GMDS: variants seen among roughly 807,000 people sequenced by gnomAD.
GMDS encodes GDP-mannose 4,6-dehydratase.
In GMDS, 20 loss-of-function variants were observed where a neutral mutation model predicts 49.9. The observed-to-expected ratio is 0.40, with a 90% CI of 0.28 to 0.58. The LOEUF is 0.58. Among genes scored for constraint, GMDS ranks in the 20% least tolerant of loss-of-function variants. GMDS has a pLI of 0.42. For synonymous variants in GMDS, 177 were observed against 178.6 expected (o/e 0.99, Z 0.07); for missense variants, 362 against 481.4 (o/e 0.75, Z 2.32).
chr6:1,793,673 A>G (rs1221967922), intron 7 of GMDS, among the ~76,000 whole-genome samples: 2 of 152,176 alleles, frequency 1.3e-5, no homozygotes, highest in African/African-American at 4.8e-5. Context: ...AGGAAGTCAA[A>G]AGCCACGTAG....
chr6:1,920,323 A>G (rs1278797482), intron 7 of GMDS, among the ~76,000 whole-genome samples: 3 of 152,232 alleles, frequency 2.0e-5, no homozygotes, highest in Non-Finnish European at 2.9e-5. Flanking sequence ...GAGCTCTGCA[A>G]AGACAAAACA....
rs76640380 is a variant in GMDS at position 2,118,565 on chromosome 6, C to T, written c.148-1009G>A. ...GGAGGTAAATTATAAGAATATAAGA[C>T]TTTCTTTCAAACAGAAAGAAATGTC... On this transcript the variant is annotated intron_variant, in intron 2 of 10. Coordinates refer to ENST00000380815, the MANE Select transcript of GMDS (RefSeq NM_001500.4). Among the ~76,000 whole-genome samples, 905 of 152,218 alleles carry T rather than the reference C, an allele frequency of 5.9e-3. 12 individuals are homozygous for T. Among genetic ancestry groups the T allele is most frequent in the South Asian group, 0.044 (212 of 4,824 alleles).
chr6:2,163,218 C>T (rs114312731), intron 1 of GMDS, among the ~76,000 whole-genome samples: 61 of 151,732 alleles, frequency 4.0e-4, no homozygotes, highest in African/African-American at 1.4e-3. Context: ...TGCCTACAAG[C>T]AAGGGAAGTG....
intron 7 of GMDS, among the ~76,000 whole-genome samples, chr6:1,929,790 C>T (rs1402925797): frequency 3.9e-5 from 6 of 152,096 alleles, no homozygotes; most frequent in African/African-American, 9.7e-5. Flanking sequence ...CTTTTATACC[C>T]CCAAAATAAA....
In GMDS at chr6:2,150,156, A is replaced by G. The variant is rs116079400; in HGVS notation, c.103-25425T>C. Among the ~76,000 whole-genome samples, 865 of 152,270 alleles carry G rather than the reference A, an allele frequency of 5.7e-3. 2 individuals are homozygous for G. The highest frequency in any genetic ancestry group is 0.017 in the Middle Eastern group (5 of 294). ...AGAGAAGATCAAGTACTTGTAAAATAATTTTCATTTAGGAACAGGTATATA... is the reference window on the plus strand; with the variant it reads ...AGAGAAGATCAAGTACTTGTAAAATGATTTTCATTTAGGAACAGGTATATA... On this transcript the variant is annotated intron_variant, in intron 1 of 10. Coordinates refer to ENST00000380815, the MANE Select transcript of GMDS (RefSeq NM_001500.4).
chr6:2,206,183 G>A (rs931399209), intron 1 of GMDS, among the ~76,000 whole-genome samples: 4 of 152,004 alleles, frequency 2.6e-5, no homozygotes, highest in Admixed American at 1.3e-4. Flanking sequence ...GCTTGAACCC[G>A]GGAGGCAGAG....
chr6:1,839,960 C>A (rs374486376), intron 7 of GMDS, among the ~76,000 whole-genome samples: 2 of 152,176 alleles, frequency 1.3e-5, no homozygotes, highest in African/African-American at 4.8e-5. Flanking sequence ...TGTTTGAAAT[C>A]AACTTTATTG....
chr6:2,190,313 T>G (rs1475887177), intron 1 of GMDS, among the ~76,000 whole-genome samples: 1 of 152,164 alleles, frequency 6.6e-6, no homozygotes, highest in Non-Finnish European at 1.5e-5. Context: ...CACTTTTGTT[T>G]AAAAAAATAG....
At chr6:1,728,123 A>AAACAT (rs1286800700) in intron 8 of GMDS, among the ~76,000 whole-genome samples, 1 of 152,190 alleles carries the variant, frequency 6.6e-6, no homozygotes, top group East Asian at 1.9e-4. Context: ...AAGCGTTTTA[A>AAACAT]AACATAACCT....
chr6:1,908,189 C>T (rs113587900), intron 7 of GMDS, among the ~76,000 whole-genome samples: 8 of 152,138 alleles, frequency 5.3e-5, no homozygotes, highest in African/African-American at 1.7e-4. Context: ...GAATGGTTCA[C>T]GTCCGGGCAG....
chr6:2,057,305 T>C (rs1770835053), intron 4 of GMDS, among the ~76,000 whole-genome samples: 2 of 152,212 alleles, frequency 1.3e-5, no homozygotes, highest in Non-Finnish European at 2.9e-5. Flanking sequence ...TGTAGTTCAG[T>C]GTCAGAACAG....
chr6:1,740,465 G>A (rs537349142), intron 8 of GMDS, among the ~76,000 whole-genome samples: 13 of 151,920 alleles, frequency 8.6e-5, no homozygotes, highest in African/African-American at 3.1e-4. Context: ...GCTGAGGCAG[G>A]AGAATCACTG....
chr6:2,193,289 C>A (rs1779129824), intron 1 of GMDS, among the ~76,000 whole-genome samples: 1 of 152,216 alleles, frequency 6.6e-6, no homozygotes, highest in Non-Finnish European at 1.5e-5. Context: ...GTATGTGTTA[C>A]AAAGTATGTG....
chr6:1,676,881 T>C (rs1764641846), intron 9 of GMDS, among the ~76,000 whole-genome samples: 1 of 152,140 alleles, frequency 6.6e-6, no homozygotes, highest in Non-Finnish European at 1.5e-5. Context: ...GGCAAGGACT[T>C]CATGACTAAA....
Position 2,221,403 on chromosome 6 carries a change from C to T in GMDS, c.102+23918G>A, listed in dbSNP as rs149497032. Among the ~76,000 whole-genome samples, 114 of 150,988 alleles carry T rather than the reference C, an allele frequency of 7.6e-4. 1 individual carries two copies. The highest frequency in any genetic ancestry group is 2.4e-3 in the African/African-American group (100 of 41,064). Reference sequence around the variant, plus strand: ...TAAAATGTTCTTTTTTTTTTTGAGACGGAGTCTTGCTCTGTCACCCAGGCT... The same window carrying T: ...TAAAATGTTCTTTTTTTTTTTGAGATGGAGTCTTGCTCTGTCACCCAGGCT... On this transcript the variant is annotated intron_variant, in intron 1 of 10. Transcript: ENST00000380815.
chr6:2,063,730 C>T (rs918717265), intron 4 of GMDS, among the ~76,000 whole-genome samples: 1 of 152,120 alleles, frequency 6.6e-6, no homozygotes, highest in African/African-American at 2.4e-5. Flanking sequence ...ATTCGTGGAG[C>T]CCAAGGTCTC....
chr6:2,041,183 A>G (rs1421302308), intron 4 of GMDS, among the ~76,000 whole-genome samples: 1 of 152,220 alleles, frequency 6.6e-6, no homozygotes. Flanking sequence ...GTATACAAAA[A>G]TGCACATATG....
At chr6:2,204,153 A>C (rs1354761942) in intron 1 of GMDS, among the ~76,000 whole-genome samples, 1 of 152,206 alleles carries the variant, frequency 6.6e-6, no homozygotes, top group Non-Finnish European at 1.5e-5. Context: ...AGTATACATC[A>C]TCAATCACCA....
At chr6:2,106,768 C>A (rs1019479971) in intron 4 of GMDS, among the ~76,000 whole-genome samples, 1 of 151,296 alleles carries the variant, frequency 6.6e-6, no homozygotes, top group African/African-American at 2.4e-5. Flanking sequence ...GAGGCTGAGG[C>A]AGGAGAATTG....
Sources: allele counts gnomAD v4.1 joint callset (sites outside exome capture counted in the v4.1 genomes callset), GRCh38; gene constraint gnomAD v4.1.1; transcripts MANE v1.5; gene names NCBI Gene and HGNC (gene_info 2026-07-23, HGNC 2026-07-21).